The following RGS7 variants were observed in gnomAD, a reference collection of about 807,000 sequenced individuals.
RGS7 encodes the protein regulator of G protein signaling 7, also known as regulator of G-protein signaling 7.
A neutral mutation model predicts 81.1 loss-of-function variants in RGS7; 27 were observed. The ratio of observed to expected loss-of-function variants is 0.33; its 90% CI spans 0.25 to 0.46. RGS7 has a LOEUF of 0.46. Among genes scored for constraint, RGS7 ranks in the 20% least tolerant of loss-of-function variants. The probability of loss-of-function intolerance (pLI) is 1.00; values close to 1 mark genes in which losing one functional copy is unlikely to be tolerated. For missense variants in RGS7, 396 were observed against 607.4 expected (o/e 0.65, Z 3.66); for synonymous variants, 208 against 207.7 (o/e 1.00, Z -0.01).
At chr1:240,977,091 TACACACACACACACACACACAC>T (rs60732630) in intron 4 of RGS7, among the ~76,000 whole-genome samples, 6 of 133,814 alleles carry the variant, frequency 4.5e-5, no homozygotes, top group South Asian at 2.6e-4. Context: ...TATCCATCTG[TACACACACACACACACACACAC>T]ACACACACAC....
At chr1:241,084,224 C>T (rs148217212) in intron 3 of RGS7, among the ~76,000 whole-genome samples, 610 of 152,180 alleles carry the variant, frequency 4.0e-3, no homozygotes, top group African/African-American at 0.014. Context: ...TTCATCCAAC[C>T]CTGAGAGGGA....
intron 3 of RGS7, among the ~76,000 whole-genome samples, chr1:241,027,729 A>G (rs998894126): frequency 6.6e-6 from 1 of 152,190 alleles, no homozygotes; most frequent in Non-Finnish European, 1.5e-5. Context: ...AGGAGCCGGC[A>G]GTTGAGAAGG....
rs60911948 is a variant in RGS7, at chr1:240,960,217, C to CTTCTT, written c.226+22861_226+22862insAAGAA. Among the ~76,000 whole-genome samples, 38 of 8,950 alleles carry CTTCTT rather than the reference C, an allele frequency of 4.2e-3. 2 individuals carry two copies. The highest frequency in any genetic ancestry group is 0.019 in the East Asian group (3 of 156). 5.9% of individuals were successfully genotyped at this position (8,950 alleles called of 152,430 possible). ...TTTTCTTCTTCTTCCTCTTCTTCTTCTTTTTTTTTTTTTTTTTGTTGTTGT... is the reference window on the plus strand; with the variant it reads ...TTTTCTTCTTCTTCCTCTTCTTCTTCTTCTTTTTTTTTTTTTTTTTTTGTTGTTGT... On this transcript the variant is annotated intron_variant, in intron 4 of 18. Transcript: ENST00000440928.
At chr1:241,236,988 G>A (rs1457183366) in intron 2 of RGS7, among the ~76,000 whole-genome samples, 1 of 152,182 alleles carries the variant, frequency 6.6e-6, no homozygotes, top group Non-Finnish European at 1.5e-5. Context: ...TGAAGAGCAC[G>A]ACAAGGGAAA....
At chr1:241,018,742 T>G (rs1224741584) in intron 3 of RGS7, among the ~76,000 whole-genome samples, 1 of 152,074 alleles carries the variant, frequency 6.6e-6, no homozygotes, top group Non-Finnish European at 1.5e-5. Context: ...TTTCTGTCCC[T>G]CCCTCCTCAA....
chr1:240,951,085 C>T (rs10926384), intron 4 of RGS7, among the ~76,000 whole-genome samples: 2 of 151,674 alleles, frequency 1.3e-5, no homozygotes, highest in Non-Finnish European at 2.9e-5. Flanking sequence ...CCACACCGGG[C>T]TAATTTTTTT....
In RGS7 at chr1:241,355,763, T is replaced by C; in HGVS notation, c.14A>G (p.Asn5Ser). 1.2e-6 allele frequency: 2 copies of C among 1,614,104 alleles called. No individual in the cohort carries two copies. The highest frequency in any genetic ancestry group is 2.2e-5 in the East Asian group (1 of 44,876). The change falls in exon 2 of 19, where the codon AAT becomes AGT. Residue 5 changes from asparagine (N) to serine (S), a missense_variant. Physicochemically the swap from Asn to Ser is conservative, Grantham distance 46. Transcript: ENST00000440928. Reference protein sequence around the residue: MAQGNNYGQTSNGVA... With the variant: MAQGSNYGQTSNGVA... ...CCCGTTGCTGGTCTGCCCATAATTA[T>C]TCCCCTGGGCCATGTCACCCAAAAC... is the stretch of plus-strand genomic sequence containing the variant.
At chr1:240,850,918 T>G (rs191912125) in intron 9 of RGS7, among the ~76,000 whole-genome samples, 1 of 151,868 alleles carries the variant, frequency 6.6e-6, no homozygotes, top group Non-Finnish European at 1.5e-5. Flanking sequence ...ATAAGGAAGC[T>G]GAAGAAAAAA....
intron 2 of RGS7, among the ~76,000 whole-genome samples, chr1:241,302,929 G>T (rs2079861444): frequency 6.6e-6 from 1 of 151,812 alleles, no homozygotes; most frequent in Admixed American, 6.6e-5. Flanking sequence ...TCCGGTAGCG[G>T]TTAAATCAGC....
At chr1:240,971,518 G>A (rs1572057337) in intron 4 of RGS7, among the ~76,000 whole-genome samples, 1 of 152,276 alleles carries the variant, frequency 6.6e-6, no homozygotes, top group East Asian at 1.9e-4. Flanking sequence ...ACACAACTAG[G>A]AAGCTCCAGC....
chr1:241,150,677 A>G (rs1558131379), intron 2 of RGS7, among the ~76,000 whole-genome samples: 1 of 152,168 alleles, frequency 6.6e-6, no homozygotes, highest in Non-Finnish European at 1.5e-5. Context: ...CTCCAAAGAG[A>G]CTGAATCAAT....
chr1:241,307,794 C>CTGAATGAA (rs375942224), intron 2 of RGS7, among the ~76,000 whole-genome samples: 1 of 149,408 alleles, frequency 6.7e-6, no homozygotes, highest in Non-Finnish European at 1.5e-5. Context: ...GAATGAATGA[C>CTGAATGAA]TGAATGAATG....
At chr1:241,168,265 C>T (rs1023536406) in intron 2 of RGS7, among the ~76,000 whole-genome samples, 2 of 151,954 alleles carry the variant, frequency 1.3e-5, no homozygotes, top group Admixed American at 6.6e-5. Context: ...AAAGGGGGGA[C>T]ATTTTTGATA....
intron 6 of RGS7, among the ~76,000 whole-genome samples, chr1:240,874,602 T>A (rs1186000937): frequency 1.3e-5 from 2 of 152,232 alleles, no homozygotes; most frequent in African/African-American, 4.8e-5. Flanking sequence ...TAAAATATTT[T>A]AGTTGATAAA....
At chr1:240,978,401 T>A (rs1348085622) in intron 4 of RGS7, among the ~76,000 whole-genome samples, 2 of 151,894 alleles carry the variant, frequency 1.3e-5, no homozygotes, top group Admixed American at 6.6e-5. Context: ...ATGCTTAGAG[T>A]CTATGATTAG....
intron 3 of RGS7, among the ~76,000 whole-genome samples, chr1:241,019,072 G>A (rs1161569238): frequency 6.6e-6 from 1 of 152,066 alleles, no homozygotes; most frequent in Non-Finnish European, 1.5e-5. Flanking sequence ...TTTTTAAAGG[G>A]AAAGCCTACA....
At chr1:240,892,076 C>T (rs1177966369) in intron 6 of RGS7, among the ~76,000 whole-genome samples, 1 of 152,068 alleles carries the variant, frequency 6.6e-6, no homozygotes, top group Non-Finnish European at 1.5e-5. Flanking sequence ...GGTTTTTATT[C>T]CTCACACTGC....
At chr1:241,246,534 G>GA (rs1362351443) in intron 2 of RGS7, among the ~76,000 whole-genome samples, 2 of 152,068 alleles carry the variant, frequency 1.3e-5, no homozygotes, top group Non-Finnish European at 2.9e-5. Context: ...TGTTAAACTA[G>GA]AAAAAACTGA....
At chr1:241,097,647 G>A (rs1160708039) in intron 3 of RGS7, among the ~76,000 whole-genome samples, 3 of 151,940 alleles carry the variant, frequency 2.0e-5, no homozygotes, top group East Asian at 1.9e-4. Context: ...CTGAGGCTTC[G>A]GGCTGTCTGA....
Sources: gnomAD v4.1 joint callset for allele counts (sites outside exome capture counted in the v4.1 genomes callset) on GRCh38, gnomAD v4.1.1 for gene constraint, MANE v1.5 for transcripts, NCBI Gene and HGNC (gene_info 2026-07-23, HGNC 2026-07-21) for gene names.